The following ZNF469 variants were observed in gnomAD, a reference collection of about 807,000 sequenced individuals.
The protein encoded by ZNF469 is zinc finger protein 469.
In ZNF469, 1 loss-of-function variant was observed where a neutral mutation model predicts 1.0. The ratio of observed to expected loss-of-function variants is 1.00; its 90% CI spans 0.35 to 4.73. ZNF469 has a LOEUF of 4.73. Ranked by LOEUF, ZNF469 falls within the 30% of genes most tolerant of loss-of-function variation. ZNF469 has a pLI of 0.16. For missense variants in ZNF469, 6,100 were observed against 5,356.3 expected (o/e 1.14, Z -4.33); for synonymous variants, 2,703 against 2,363.4 (o/e 1.14, Z -4.17).
Position 88,437,329 on chromosome 16 carries a change from A to G in ZNF469, c.9859A>G (p.Thr3287Ala). The change falls in exon 3 of 3, where the codon ACC becomes GCC. Residue 3287 changes from threonine to alanine, a missense_variant. Thr to Ala is a moderately conservative substitution (Grantham distance 58). Coordinates refer to ENST00000565624, the MANE Select transcript of ZNF469 (RefSeq NM_001367624.2). The stretch of plus-strand genomic sequence containing the variant: ...CCCCAGCAACCCAGACGGGGCCGCG[A>G]CCCCAGACAGCGCCTCTGCCACCGC... Reference protein sequence around the residue: ...STPSNPDGAATPDSASATALA... With the variant: ...STPSNPDGAAAPDSASATALA... 6.5e-7 allele frequency: 1 copy of G among 1,545,980 alleles called. No individual in the cohort carries two copies. The highest frequency in any genetic ancestry group is 8.7e-7 in the Non-Finnish European group (1 of 1,144,988).
At chr16:88,427,250 C>A (rs906206019) in intron 2 of ZNF469, among the ~76,000 whole-genome samples, 95 bp from the exon 3 acceptor site, 5 of 152,168 alleles carry the variant, frequency 3.3e-5, no homozygotes, top group African/African-American at 1.2e-4. Flanking sequence ...CTGCTTCTGG[C>A]CCGGCCACAC....
At chr16:88,112,692 A>G in the ZNF469 span, among the ~76,000 whole-genome samples, 1 of 151,174 alleles carries the variant, frequency 6.6e-6, no homozygotes, top group Non-Finnish European at 1.5e-5. Context: ...ATCCCTTGTC[A>G]GATGAGTAGT....
At chr16:88,244,221 A>G in the ZNF469 span, among the ~76,000 whole-genome samples, 4 of 130,246 alleles carry the variant, frequency 3.1e-5, no homozygotes, top group Non-Finnish European at 4.8e-5. Flanking sequence ...TTATGCATGC[A>G]TGGATGGGTG....
the ZNF469 span, among the ~76,000 whole-genome samples, chr16:88,335,808 A>G: frequency 6.6e-6 from 1 of 152,204 alleles, no homozygotes; most frequent in Non-Finnish European, 1.5e-5. Context: ...CCTTCACGTG[A>G]GACACTGATG....
the ZNF469 span, among the ~76,000 whole-genome samples, chr16:88,169,592 T>C: frequency 6.6e-6 from 1 of 152,236 alleles, no homozygotes; most frequent in Non-Finnish European, 1.5e-5. This position sits in a 1 kb window ranked among gnomAD's most constrained non-coding sequence, Gnocchi z 6.1. Context: ...CCAGCTGCGG[T>C]GGTCCATCCA....
At chr16:88,167,718 C>T in the ZNF469 span, among the ~76,000 whole-genome samples, 31 of 152,122 alleles carry the variant, frequency 2.0e-4, no homozygotes, top group Non-Finnish European at 3.8e-4. Context: ...GTCAAGGGGG[C>T]GCCCATCCCG....
At chr16:88,341,234 C>G in the ZNF469 span, among the ~76,000 whole-genome samples, 1 of 152,204 alleles carries the variant, frequency 6.6e-6, no homozygotes, top group Non-Finnish European at 1.5e-5. Context: ...TGTCCCTGTT[C>G]AATGCCCGCC....
At chr16:88,179,105 A>G in the ZNF469 span, among the ~76,000 whole-genome samples, 2 of 152,000 alleles carry the variant, frequency 1.3e-5, no homozygotes, top group South Asian at 4.2e-4. Flanking sequence ...CGGAGCAGTC[A>G]TTCTCGGAGT....
the ZNF469 span, among the ~76,000 whole-genome samples, chr16:88,249,144 C>T: frequency 6.6e-6 from 1 of 151,948 alleles, no homozygotes. Context: ...CCAGGTGCCC[C>T]GAGCCACTGC....
At chr16:88,117,832 G>A in the ZNF469 span, among the ~76,000 whole-genome samples, 1 of 152,250 alleles carries the variant, frequency 6.6e-6, no homozygotes, top group Non-Finnish European at 1.5e-5. Context: ...CTGTGTGAAG[G>A]TGGGAGGCCG....
In ZNF469 at chr16:88,383,263, G is replaced by C. The variant is rs1336285851; in HGVS notation, c.-192+9G>C. 6.8e-6 allele frequency among the ~76,000 whole-genome samples: 1 copy of C among 147,164 alleles called. No homozygotes were observed. The highest frequency in any genetic ancestry group is 2.4e-5 in the African/African-American group (1 of 40,932). ...CGGGCCTCGGAGCGGAGGTGAGTGC[G>C]GATGCGCCGCCTGGGCGCGCGCGGT... is the stretch of plus-strand genomic sequence containing the variant. On this transcript the variant is annotated intron_variant, in intron 1 of 2. Coordinates refer to ENST00000565624, the MANE Select transcript of ZNF469 (RefSeq NM_001367624.2).
In ZNF469 at chr16:88,434,158, C is replaced by A; in HGVS notation, c.6688C>A (p.Pro2230Thr). The change falls in exon 3 of 3, where the codon CCT becomes ACT. Residue 2230 changes from proline (P) to threonine (T), a missense_variant. Coordinates refer to ENST00000565624, the MANE Select transcript of ZNF469 (RefSeq NM_001367624.2). ...SPLEDPSSWP[P>T]GSVSAVTCTH... The stretch of plus-strand genomic sequence containing the variant: ...CCTGGAAGACCCTTCCTCCTGGCCT[C>A]CTGGCTCCGTCAGTGCTGTAACCTG... The A allele has an allele frequency of 6.5e-7, 1 of 1,550,340 alleles. No homozygotes were observed. The highest frequency in any genetic ancestry group is 8.7e-7 in the Non-Finnish European group (1 of 1,146,958).
intron 1 of ZNF469, among the ~76,000 whole-genome samples, chr16:88,418,989 G>C (rs1187111287): frequency 2.0e-5 from 3 of 152,248 alleles, no homozygotes; most frequent in Admixed American, 2.0e-4. Context: ...TTTGGGGTGA[G>C]CCTGGCCGCC....
the ZNF469 span, among the ~76,000 whole-genome samples, chr16:88,131,629 A>G: frequency 0.19 from 27,725 of 146,406 alleles, 2,747 homozygotes; most frequent in East Asian, 0.47. Flanking sequence ...GGGCTTGGGC[A>G]TCCTGTGAGG....
chr16:88,128,351 C>T, the ZNF469 span, among the ~76,000 whole-genome samples: 2 of 152,164 alleles, frequency 1.3e-5, no homozygotes, highest in African/African-American at 2.4e-5. Flanking sequence ...TGAGGTTTTA[C>T]ATTGAATTCC....
At chr16:88,110,064 C>G in the ZNF469 span, among the ~76,000 whole-genome samples, 1 of 152,236 alleles carries the variant, frequency 6.6e-6, no homozygotes, top group African/African-American at 2.4e-5. Flanking sequence ...ATTGGTGACT[C>G]CTTTTTCCCT....
At chr16:88,281,517 G>A in the ZNF469 span, among the ~76,000 whole-genome samples, 222 of 148,114 alleles carry the variant, frequency 1.5e-3, no homozygotes, top group African/African-American at 4.9e-3. Context: ...CCATGCTGAC[G>A]CTTGGTCAGT....
chr16:88,142,852 G>C, the ZNF469 span, among the ~76,000 whole-genome samples: 1 of 152,286 alleles, frequency 6.6e-6, no homozygotes, highest in East Asian at 1.9e-4. Context: ...TGCAGCCTGG[G>C]GCCAGCATGG....
the ZNF469 span, among the ~76,000 whole-genome samples, chr16:88,374,715 A>G: frequency 5.4e-5 from 6 of 110,802 alleles, no homozygotes; most frequent in African/African-American, 9.4e-5. Flanking sequence ...TGAGCTCAGC[A>G]CCATGTGCGG....
Sources: allele counts gnomAD v4.1 joint callset (sites outside exome capture counted in the v4.1 genomes callset), GRCh38; gene constraint gnomAD v4.1.1; non-coding constraint Gnocchi (gnomAD v3.1); transcripts MANE v1.5; gene names NCBI Gene and HGNC (gene_info 2026-07-23, HGNC 2026-07-21).